Variants in HS3ST4 observed in about 807,000 individuals in gnomAD.
The protein encoded by HS3ST4 is heparan sulfate glucosamine 3-O-sulfotransferase 4.
HS3ST4 carries 17 observed loss-of-function variants against 29.2 expected under a neutral mutation model. The observed-to-expected ratio is 0.58, with a 90% CI of 0.40 to 0.87. HS3ST4 has a LOEUF of 0.87. HS3ST4 is among the 40% of genes least tolerant of loss of function. The probability of loss-of-function intolerance (pLI) is 0.00; values close to 1 mark genes in which losing one functional copy is unlikely to be tolerated. For synonymous variants in HS3ST4, 314 were observed against 285.7 expected, an observed-to-expected ratio of 1.10 and a Z score of -1.00; for missense variants, 627 against 634.5, an observed-to-expected ratio of 0.99 and a Z score of 0.13.
Position 25,697,922 on chromosome 16 carries a change from C to T in HS3ST4, c.734+4771C>T, listed in dbSNP as rs574651723. ...GCTTGACTTTGTGATCTGCCTGCCT[C>T]GGCCTCCCAAAGTGCTGGGATTAGA... On this transcript the variant is annotated intron_variant, in intron 1 of 1. Transcript: ENST00000331351. Among the ~76,000 whole-genome samples the T allele has an allele frequency of 7.0e-4, 107 of 152,160 alleles. 2 individuals carry two copies. In the South Asian group the frequency reaches 0.015, roughly 21 times the overall value.
chr16:25,832,991 C>A (rs549440428), intron 1 of HS3ST4, among the ~76,000 whole-genome samples: 32 of 152,144 alleles, frequency 2.1e-4, no homozygotes, highest in African/African-American at 7.5e-4. Flanking sequence ...CTGGGGCATA[C>A]GCCAGCTGGG....
chr16:26,116,590 A>G (rs1320309692), intron 1 of HS3ST4, among the ~76,000 whole-genome samples: 1 of 152,248 alleles, frequency 6.6e-6, no homozygotes, highest in Non-Finnish European at 1.5e-5. Flanking sequence ...CATGATAGCA[A>G]TAACATATGT....
intron 1 of HS3ST4, among the ~76,000 whole-genome samples, chr16:25,947,935 G>A (rs1968645837): frequency 6.6e-6 from 1 of 152,126 alleles, no homozygotes; most frequent in Admixed American, 6.5e-5. Flanking sequence ...GATAACACCA[G>A]TGCCTACCTC....
chr16:25,701,523 G>A (rs1020333970), intron 1 of HS3ST4, among the ~76,000 whole-genome samples: 4 of 152,142 alleles, frequency 2.6e-5, no homozygotes, highest in African/African-American at 9.7e-5. Context: ...TAAGCCAGAT[G>A]TACGTTAAGT....
intron 1 of HS3ST4, among the ~76,000 whole-genome samples, chr16:25,868,749 G>A (rs1045029766): frequency 6.6e-5 from 10 of 152,162 alleles, no homozygotes; most frequent in South Asian, 2.1e-4. Context: ...GATTGCCCTC[G>A]TTAACCTGTA....
chr16:25,826,475 T>A (rs1967216717), intron 1 of HS3ST4: 1 of 152,088 alleles, frequency 6.6e-6, no homozygotes, highest in South Asian at 2.1e-4. Flanking sequence ...TTCCCCCTGG[T>A]GGGTCTAGTG....
chr16:25,789,863 C>G (rs1966865078), intron 1 of HS3ST4, among the ~76,000 whole-genome samples: 2 of 152,262 alleles, frequency 1.3e-5, no homozygotes, highest in South Asian at 4.2e-4. Context: ...GTTTAATAGT[C>G]CCACGTTGTT....
rs564939452 is a variant in HS3ST4 at position 25,858,614 on chromosome 16, C to T, written c.734+165463C>T. Among the ~76,000 whole-genome samples, 4 of 152,080 alleles carry T rather than the reference C, an allele frequency of 2.6e-5. No homozygotes were observed. The South Asian group carries it at 8.3e-4, about 32-fold the overall frequency. ...TTTTTTTAATTTTAGTAGCTATTTCCAAATTGCTTTCACTGATACTTCATT... is the reference window on the plus strand; with the variant it reads ...TTTTTTTAATTTTAGTAGCTATTTCTAAATTGCTTTCACTGATACTTCATT... On this transcript the variant is annotated intron_variant, in intron 1 of 1. Coordinates refer to ENST00000331351, the MANE Select transcript of HS3ST4 (RefSeq NM_006040.3).
intron 1 of HS3ST4, among the ~76,000 whole-genome samples, chr16:25,707,197 A>C (rs1432913218): frequency 1.3e-5 from 2 of 152,164 alleles, no homozygotes; most frequent in East Asian, 3.9e-4. Context: ...TGATGCTGGT[A>C]ATTCAGATAT....
intron 1 of HS3ST4, among the ~76,000 whole-genome samples, chr16:25,739,919 G>T (rs1053664536): frequency 6.6e-6 from 1 of 152,190 alleles, no homozygotes. Context: ...TTTACAGAAA[G>T]GTAGAGATGA....
intron 1 of HS3ST4, among the ~76,000 whole-genome samples, chr16:26,066,777 C>G (rs1479038458): frequency 1.3e-5 from 2 of 152,242 alleles, no homozygotes; most frequent in African/African-American, 4.8e-5. Flanking sequence ...TTGCATCTCA[C>G]TTTAGAATGA....
At chr16:25,724,474 C>T (rs1362163192) in intron 1 of HS3ST4, among the ~76,000 whole-genome samples, 2 of 151,788 alleles carry the variant, frequency 1.3e-5, no homozygotes, top group African/African-American at 4.8e-5. Flanking sequence ...AGCGATTCTC[C>T]TGCCTCAGTC....
In HS3ST4 at chr16:25,852,341, T is replaced by G. The variant is rs933664459; in HGVS notation, c.734+159190T>G. On this transcript the variant is annotated intron_variant, in intron 1 of 1. Coordinates refer to ENST00000331351, the MANE Select transcript of HS3ST4 (RefSeq NM_006040.3). Reference sequence around the variant, plus strand: ...TAAGTTCTGGGGTACATGTGCAGGATGTGCAGGTTTGTTACATAGGTCAAC... The same window carrying G: ...TAAGTTCTGGGGTACATGTGCAGGAGGTGCAGGTTTGTTACATAGGTCAAC... Among the ~76,000 whole-genome samples, 4 of 152,170 alleles carry G rather than the reference T, an allele frequency of 2.6e-5. No individual in the cohort carries two copies. The South Asian group carries it at 8.3e-4, about 32-fold the overall frequency.
At chr16:25,756,121 CACACAT>C (rs1455246300) in intron 1 of HS3ST4, among the ~76,000 whole-genome samples, 1 of 121,922 alleles carries the variant, frequency 8.2e-6, no homozygotes, top group East Asian at 4.5e-4. Context: ...AACACACACA[CACACAT>C]ACACACACAC....
At chr16:25,822,412 A>G (rs915493190) in intron 1 of HS3ST4, among the ~76,000 whole-genome samples, 5 of 152,142 alleles carry the variant, frequency 3.3e-5, no homozygotes, top group South Asian at 2.1e-4. Flanking sequence ...TTGGATTTCA[A>G]CATATGAATT....
chr16:25,922,149 T>C (rs893468651), intron 1 of HS3ST4, among the ~76,000 whole-genome samples: 2 of 152,190 alleles, frequency 1.3e-5, no homozygotes, highest in African/African-American at 4.8e-5. Context: ...TTGTGTCTTT[T>C]GGCTTTCTGT....
At chr16:25,751,042 A>G (rs993967928) in intron 1 of HS3ST4, among the ~76,000 whole-genome samples, 1 of 152,184 alleles carries the variant, frequency 6.6e-6, no homozygotes, top group African/African-American at 2.4e-5. Flanking sequence ...ACAGGAGCCA[A>G]GAAGCTGCCA....
intron 1 of HS3ST4, among the ~76,000 whole-genome samples, chr16:26,031,470 G>C (rs1053103581): frequency 6.6e-6 from 1 of 152,082 alleles, no homozygotes; most frequent in Non-Finnish European, 1.5e-5. Flanking sequence ...GCCAGGGAGG[G>C]AGCTGGGAAA....
chr16:25,889,601 T>G (rs1005572444), intron 1 of HS3ST4, among the ~76,000 whole-genome samples: 3 of 152,208 alleles, frequency 2.0e-5, no homozygotes, highest in Non-Finnish European at 2.9e-5. Context: ...AGGGTGGTTT[T>G]TCTAGAATGT....
Sources: gnomAD v4.1 joint callset for allele counts (sites outside exome capture counted in the v4.1 genomes callset) on GRCh38, gnomAD v4.1.1 for gene constraint, MANE v1.5 for transcripts, NCBI Gene and HGNC (gene_info 2026-07-23, HGNC 2026-07-21) for gene names.